Variants in ICA1 observed in about 807,000 individuals in gnomAD.
ICA1 encodes the protein 69 kDa islet cell autoantigen.
ICA1 carries 40 observed loss-of-function variants against 71.0 expected under a neutral mutation model. That is an observed-to-expected ratio of 0.56 (90% confidence interval 0.44 to 0.73). The LOEUF is 0.73. Among genes scored for constraint, ICA1 ranks in the 30% least tolerant of loss-of-function variants. ICA1 has a pLI of 0.00. For synonymous variants in ICA1, 207 were observed against 209.5 expected, an observed-to-expected ratio of 0.99 and a Z score of 0.10; for missense variants, 578 against 576.5, an observed-to-expected ratio of 1.00 and a Z score of -0.03.
rs1285457008 is a variant in ICA1, at chr7:8,234,950, G to A, written c.17+960C>T. Among the ~76,000 whole-genome samples, 2 of 152,114 alleles carry A rather than the reference G, an allele frequency of 1.3e-5. No individual in the cohort carries two copies. Among genetic ancestry groups the A allele is most frequent in the African/African-American group, 4.8e-5 (2 of 41,416 alleles). ...GGAGGCTGAGGTGGGCAGATCATGA[G>A]GTCAAGAGATCGAGACCATCCTGGC... On this transcript the variant is annotated intron_variant, in intron 2 of 13. Transcript: ENST00000402384. The surrounding 1 kb of genome is among the most constrained non-coding windows in gnomAD (Gnocchi z 4.5).
At chr7:8,121,695 G>A (rs1381716174) in intron 13 of ICA1, among the ~76,000 whole-genome samples, 1 of 152,136 alleles carries the variant, frequency 6.6e-6, no homozygotes, top group African/African-American at 2.4e-5. Context: ...TCGATAGCAC[G>A]ACAGGGTGAC....
intron 6 of ICA1, among the ~76,000 whole-genome samples, chr7:8,217,909 T>C (rs1795890979): frequency 6.6e-6 from 1 of 152,214 alleles, no homozygotes; most frequent in Non-Finnish European, 1.5e-5. Context: ...AGCATTATTA[T>C]TCTATTAATT....
chr7:8,238,529 C>A (rs891921081), intron 1 of ICA1, among the ~76,000 whole-genome samples: 1 of 152,124 alleles, frequency 6.6e-6, no homozygotes, highest in African/African-American at 2.4e-5. Context: ...CAGGAGTTCT[C>A]TATATATTCC....
chr7:8,114,798 G>C (rs890449389), intron 13 of ICA1: 1 of 152,220 alleles, frequency 6.6e-6, no homozygotes, highest in African/African-American at 2.4e-5. Context: ...TGAAGGCTTT[G>C]TTTAAAATAC....
At chr7:8,133,845 A>AG (rs1792354973) in intron 12 of ICA1, among the ~76,000 whole-genome samples, 1 of 120,080 alleles carries the variant, frequency 8.3e-6, no homozygotes, top group South Asian at 2.5e-4. Flanking sequence ...GAAAAATCAT[A>AG]CTTTTTTTTT....
chr7:8,213,236 T>C (rs559531906), intron 6 of ICA1, among the ~76,000 whole-genome samples: 3 of 152,210 alleles, frequency 2.0e-5, no homozygotes, highest in South Asian at 2.1e-4. Context: ...ATCCACTGTA[T>C]AGAATTCTAG....
Position 8,127,976 on chromosome 7 carries a change from A to G in ICA1, c.1227T>C (p.Thr409=), listed in dbSNP as rs2128065197. ...TGGGGTCTGGCTCTCCCAGGGCCAT[A>G]GTGGGCACTGGCTCCTTCACTTGGC... ...GDGQVKEPVP[T]MALGEPDPKA... The change falls in exon 13 of 14, where the codon ACT becomes ACC. Residue 409 remains threonine, a synonymous_variant. Transcript: ENST00000402384. 4.3e-6 allele frequency: 7 copies of G among 1,614,206 alleles called. No individual in the cohort carries two copies. Among genetic ancestry groups the G allele is most frequent in the Non-Finnish European group, 5.9e-6 (7 of 1,180,024 alleles).
intron 6 of ICA1, among the ~76,000 whole-genome samples, chr7:8,202,867 A>G (rs1411995708): frequency 3.5e-5 from 2 of 56,808 alleles, no homozygotes; most frequent in East Asian, 1.3e-3. Flanking sequence ...CAATAGACAC[A>G]CCGCACGAAT....
chr7:8,240,321 G>A (rs1430288753), intron 1 of ICA1, among the ~76,000 whole-genome samples: 1 of 152,128 alleles, frequency 6.6e-6, no homozygotes, highest in Non-Finnish European at 1.5e-5. Context: ...CTGCAGCTGA[G>A]GGACCTGACT....
intron 1 of ICA1, among the ~76,000 whole-genome samples, chr7:8,256,266 C>T (rs1333257128): frequency 6.6e-6 from 1 of 152,154 alleles, no homozygotes; most frequent in Non-Finnish European, 1.5e-5. Context: ...TTTTTCCACT[C>T]TCCTACTTAA....
At chr7:8,225,912 CAA>C (rs765971657) in intron 4 of ICA1, among the ~76,000 whole-genome samples, 75 of 152,242 alleles carry the variant, frequency 4.9e-4, no homozygotes, top group South Asian at 1.2e-3. Context: ...CTATAAGAAA[CAA>C]ATTTACCAAT....
At chr7:8,241,958 A>T (rs1035147610) in intron 1 of ICA1, among the ~76,000 whole-genome samples, 15 of 152,302 alleles carry the variant, frequency 9.8e-5, no homozygotes, top group South Asian at 2.1e-4. Flanking sequence ...CTCCCACACA[A>T]TAATAATGGG....
chr7:8,230,435 G>A (rs1799926758), intron 3 of ICA1, among the ~76,000 whole-genome samples: 1 of 152,024 alleles, frequency 6.6e-6, no homozygotes, highest in African/African-American at 2.4e-5. Flanking sequence ...TATATTTCAT[G>A]GATGGAATCC....
rs1361254514 is a variant in ICA1 at position 8,135,888 on chromosome 7, C to A, written c.1060+2952G>T. Reference sequence around the variant, plus strand: ...TGAACTGTCTTCTGCTTTGTAACACCACTTTTTTGTTCAGGTATCTGCTAT... The same window carrying A: ...TGAACTGTCTTCTGCTTTGTAACACAACTTTTTTGTTCAGGTATCTGCTAT... On this transcript the variant is annotated intron_variant, in intron 12 of 13. Coordinates refer to ENST00000402384, the MANE Select transcript of ICA1 (RefSeq NM_001136020.3). Among the ~76,000 whole-genome samples the A allele has an allele frequency of 3.9e-5, 6 of 152,090 alleles. No homozygotes were observed. In the East Asian group the frequency reaches 1.2e-3, roughly 29 times the overall value.
At chr7:8,201,152 T>A (rs1306549792) in intron 6 of ICA1, among the ~76,000 whole-genome samples, 1 of 152,228 alleles carries the variant, frequency 6.6e-6, no homozygotes, top group Non-Finnish European at 1.5e-5. Flanking sequence ...ATTGCCAGCC[T>A]GAGACATACC....
At chr7:8,233,286 G>C (rs574333143) in intron 2 of ICA1, among the ~76,000 whole-genome samples, 1 of 152,200 alleles carries the variant, frequency 6.6e-6, no homozygotes, top group Non-Finnish European at 1.5e-5. Context: ...CGAGTGGCTA[G>C]AAGGTAGGAA....
At chr7:8,175,635 T>G (rs1279254721) in intron 6 of ICA1, among the ~76,000 whole-genome samples, 1 of 152,212 alleles carries the variant, frequency 6.6e-6, no homozygotes, top group African/African-American at 2.4e-5. Context: ...CAGATAATAG[T>G]GGAAAAGCCA....
chr7:8,145,935 A>G (rs1010868508), intron 8 of ICA1, among the ~76,000 whole-genome samples: 32 of 152,200 alleles, frequency 2.1e-4, no homozygotes, highest in Non-Finnish European at 4.4e-5. Flanking sequence ...TCCTTCACCA[A>G]TATTCTAAAG....
At chr7:8,162,287 C>A (rs1433607405) in intron 6 of ICA1, among the ~76,000 whole-genome samples, 1 of 152,120 alleles carries the variant, frequency 6.6e-6, no homozygotes, top group East Asian at 1.9e-4. Flanking sequence ...AACACTTGAC[C>A]CAATGATTCT....
Sources: allele counts gnomAD v4.1 joint callset (sites outside exome capture counted in the v4.1 genomes callset), GRCh38; gene constraint gnomAD v4.1.1; non-coding constraint Gnocchi (gnomAD v3.1); transcripts MANE v1.5; gene names NCBI Gene and HGNC (gene_info 2026-07-23, HGNC 2026-07-21).